Variants in HMCN1 observed in about 807,000 individuals in gnomAD.
HMCN1 encodes the protein hemicentin-1.
HMCN1 carries 321 observed loss-of-function variants against 625.9 expected under a neutral mutation model. That is an observed-to-expected ratio of 0.51 (90% CI 0.47 to 0.56). The LOEUF (loss-of-function observed/expected upper bound fraction) is 0.56. Among genes scored for constraint, HMCN1 ranks in the 20% least tolerant of loss-of-function variants. HMCN1 has a pLI of 0.00. For missense variants in HMCN1, 6,588 were observed against 6,887.3 expected (o/e 0.96, Z 1.54); for synonymous variants, 2,425 against 2,417.6 (o/e 1.00, Z -0.09).
At chr1:185,974,402 G>T (rs1651052354) in intron 15 of HMCN1, among the ~76,000 whole-genome samples, 1 of 152,152 alleles carries the variant, frequency 6.6e-6, no homozygotes, top group South Asian at 2.1e-4. Flanking sequence ...GATAGGAAAT[G>T]TTATTATGCC....
intron 16 of HMCN1, 77 bp from the exon 17 acceptor site, chr1:185,980,901 G>A: frequency 1.1e-6 from 1 of 907,144 alleles, no homozygotes; most frequent in Non-Finnish European, 1.9e-6. Context: ...TCCATGCACA[G>A]ATCTCAGCAC....
At chr1:185,999,839 G>T (rs1653055265) in intron 25 of HMCN1, among the ~76,000 whole-genome samples, 1 of 151,942 alleles carries the variant, frequency 6.6e-6, no homozygotes, top group Non-Finnish European at 1.5e-5. Flanking sequence ...TTTACCATAG[G>T]TCTCTTAAGA....
intron 25 of HMCN1, among the ~76,000 whole-genome samples, chr1:185,997,956 A>G (rs1652924285): frequency 6.6e-6 from 1 of 152,008 alleles, no homozygotes; most frequent in Non-Finnish European, 1.5e-5. Context: ...CTTTTCCTAA[A>G]TCTACTCTCA....
Position 186,178,520 on chromosome 1 carries a change from G to C in HMCN1, c.16048G>C (p.Asp5350His). 6.2e-7 allele frequency: 1 copy of C among 1,614,124 alleles called. No individual in the cohort carries two copies. Among genetic ancestry groups the C allele is most frequent in the Non-Finnish European group, 8.5e-7 (1 of 1,179,990 alleles). Residue 5350 changes from aspartate (D) to histidine (H), a missense_variant, in exon 104 of 107, where the codon GAC (aspartate) becomes CAC (histidine). Coordinates refer to ENST00000271588, the MANE Select transcript of HMCN1 (RefSeq NM_031935.3). The stretch of plus-strand genomic sequence containing the variant: ...TCCACCAGGACAACATTTATTAGGG[G>C]ACGGGAAATCTTGCGCTGGATTGGA... ...ICPPGQHLLG[D>H]GKSCAGLERL...
chr1:186,004,533 A>G (rs1043485348), intron 29 of HMCN1, among the ~76,000 whole-genome samples: 1 of 152,210 alleles, frequency 6.6e-6, no homozygotes, highest in Non-Finnish European at 1.5e-5. Flanking sequence ...AAAATATACT[A>G]AGGCAATAAA....
intron 1 of HMCN1, among the ~76,000 whole-genome samples, chr1:185,774,233 T>G (rs1163286238): frequency 1.3e-5 from 2 of 152,142 alleles, no homozygotes; most frequent in African/African-American, 4.8e-5. Context: ...GACTTTGTGG[T>G]AGAAGAAGAA....
chr1:186,078,277 C>A, intron 55 of HMCN1, 57 bp downstream of exon 55: 1 of 1,248,474 alleles, frequency 8.0e-7, no homozygotes, highest in Non-Finnish European at 1.2e-6. Flanking sequence ...TTTTGAGGAA[C>A]TAATGTTTGC....
At chr1:186,117,660 G>T (rs1231895241) in intron 77 of HMCN1, 37 bp downstream of exon 77, 3 of 1,585,976 alleles carry the variant, frequency 1.9e-6, no homozygotes, top group Non-Finnish European at 2.6e-6. Context: ...TCTATTGATT[G>T]TATTATTTAT....
intron 22 of HMCN1, among the ~76,000 whole-genome samples, chr1:185,992,616 T>G (rs1558124724): frequency 6.6e-6 from 1 of 151,746 alleles, no homozygotes; most frequent in Non-Finnish European, 1.5e-5. Context: ...TAACTATTTA[T>G]TCATTTGCAT....
intron 1 of HMCN1, among the ~76,000 whole-genome samples, chr1:185,814,922 C>A (rs903597925): frequency 6.7e-6 from 1 of 149,824 alleles, no homozygotes; most frequent in African/African-American, 2.5e-5. Context: ...AAACTCCTGA[C>A]CTCAAGTGAT....
intron 89 of HMCN1, among the ~76,000 whole-genome samples, chr1:186,142,736 AAAAAT>A (rs1197221683): frequency 1.3e-5 from 2 of 152,204 alleles, no homozygotes; most frequent in Non-Finnish European, 2.9e-5. Context: ...ATATTGATTA[AAAAAT>A]AAAAATAAAA....
chr1:186,175,919 GAAAA>G (rs1030440173), intron 103 of HMCN1, among the ~76,000 whole-genome samples: 1 of 139,796 alleles, frequency 7.2e-6, no homozygotes, highest in African/African-American at 2.7e-5. Context: ...AAGAAAGAAA[GAAAA>G]GAGTTAAAGA....
intron 83 of HMCN1, 39 bp downstream of exon 83, chr1:186,128,330 T>C (rs550016883): frequency 6.7e-7 from 1 of 1,482,932 alleles, no homozygotes; most frequent in East Asian, 2.3e-5. Context: ...TAAATACACC[T>C]ATGTAGAACT....
intron 80 of HMCN1, among the ~76,000 whole-genome samples, chr1:186,121,995 A>G (rs547040698): frequency 6.6e-6 from 1 of 152,334 alleles, no homozygotes; most frequent in African/African-American, 2.4e-5. Flanking sequence ...ACCCAAAAGT[A>G]TTCATTGGTT....
intron 55 of HMCN1, among the ~76,000 whole-genome samples, chr1:186,080,626 C>T (rs1276156794): frequency 6.6e-6 from 1 of 152,164 alleles, no homozygotes; most frequent in Non-Finnish European, 1.5e-5. Context: ...GGCCCCTTCT[C>T]AGAGATGCCT....
At chr1:186,101,121 A>G (rs1268393764) in intron 68 of HMCN1, among the ~76,000 whole-genome samples, 2 of 152,122 alleles carry the variant, frequency 1.3e-5, no homozygotes, top group East Asian at 1.9e-4. Flanking sequence ...TCTGTTAATC[A>G]GAAAGAAATC....
Position 186,045,720 on chromosome 1 carries a change from G to A in HMCN1, c.6337G>A (p.Val2113Ile). ...AAATATTATGGGAGAAGAACAGAAT[G>A]TCTCTGTCCTCATTAGCCAAGCTGT... ...PPNIMGEEQN[V>I]SVLISQAVEL... Residue 2113 changes from valine (V) to isoleucine (I), a missense_variant, in exon 41 of 107, where the codon GTC (valine) becomes ATC (isoleucine). Around this residue, in one of 3 missense-constraint regions of HMCN1, gnomAD observed 4,628 missense variants for 4,853.1 expected, o/e 0.95. Coordinates refer to ENST00000271588, the MANE Select transcript of HMCN1 (RefSeq NM_031935.3). 1.2e-6 allele frequency: 2 copies of A among 1,613,186 alleles called. No individual in the cohort carries two copies. Among genetic ancestry groups the A allele is most frequent in the East Asian group, 2.2e-5 (1 of 44,828 alleles).
chr1:186,130,745 A>C, intron 85 of HMCN1, 48 bp downstream of exon 85: 1 of 1,507,396 alleles, frequency 6.6e-7, no homozygotes, highest in Non-Finnish European at 9.2e-7. Flanking sequence ...CCCACAGCCA[A>C]TACCCCTCTG....
intron 95 of HMCN1, 149 bp from the exon 96 acceptor site, chr1:186,152,600 AG>A (rs1650743265): frequency 1.2e-6 from 1 of 847,994 alleles, no homozygotes. Context: ...TTTAATTGGG[AG>A]GTTAAGTGCT....
Sources: allele counts gnomAD v4.1 joint callset (sites outside exome capture counted in the v4.1 genomes callset), GRCh38; gene constraint gnomAD v4.1.1; regional missense constraint gnomAD v4.1.1; transcripts MANE v1.5; gene names NCBI Gene and HGNC (gene_info 2026-07-23, HGNC 2026-07-21).